RIF1: variants seen among roughly 807,000 people sequenced by gnomAD.
RIF1 encodes the protein telomere-associated protein RIF1.
RIF1 carries 45 observed loss-of-function variants against 247.1 expected under a neutral mutation model. The ratio of observed to expected loss-of-function variants is 0.18; its 90% CI spans 0.14 to 0.23. The LOEUF (loss-of-function observed/expected upper bound fraction) is 0.23, where lower values mean the gene tolerates loss of function less well. Ranked by LOEUF, RIF1 falls within the 10% of genes least tolerant of loss-of-function variation. RIF1 has a pLI of 1.00. For missense variants in RIF1, 2,967 were observed against 2,862.5 expected, an observed-to-expected ratio of 1.04 and a Z score of -0.83; for synonymous variants, 1,087 against 978.8, an observed-to-expected ratio of 1.11 and a Z score of -2.06.
At chr2:151,489,175 G>C (rs1042503645) in intron 9 of RIF1, among the ~76,000 whole-genome samples, 2 of 152,144 alleles carry the variant, frequency 1.3e-5, no homozygotes, top group Admixed American at 1.3e-4. Context: ...AGACCTTCTT[G>C]TATGTCATTT....
At chr2:151,454,589 T>C (rs1396283803) in intron 21 of RIF1, among the ~76,000 whole-genome samples, 3 of 152,172 alleles carry the variant, frequency 2.0e-5, no homozygotes, top group Non-Finnish European at 4.4e-5. Flanking sequence ...TTTTATGAAA[T>C]GTAAAATTAA....
chr2:151,414,548 T>G (rs1686863441), intron 3 of RIF1, among the ~76,000 whole-genome samples: 1 of 152,220 alleles, frequency 6.6e-6, no homozygotes, highest in Non-Finnish European at 1.5e-5. Context: ...TTAGCATCTT[T>G]CATCTGTTGA....
rs149649461 is a variant in RIF1, at chr2:151,463,154, C to G, written c.3634C>G (p.Pro1212Ala). ...VSNTTVAGTP[P>A]YPTSRRQTFI... ...TAATACCACTGTTGCTGGAACTCCC[C>G]CATACCCTACAAGTCGGAGGCAAAC... Residue 1212 changes from proline to alanine, a missense_variant, in exon 30 of 36, where the codon CCA becomes GCA. Pro to Ala is a conservative substitution (Grantham distance 27, BLOSUM62 -1). Transcript: ENST00000444746. 6.2e-7 allele frequency: 1 copy of G among 1,614,108 alleles called. No homozygotes were observed. The highest frequency in any genetic ancestry group is 1.1e-5 in the South Asian group (1 of 91,088).
At position 151,439,972 on chromosome 2, in the gene RIF1, C is replaced by CAAAAAAAAAAA. The variant is rs1165450117; in HGVS notation, c.1547-42_1547-32dup. The CAAAAAAAAAAA allele has an allele frequency of 4.4e-4, 122 of 276,640 alleles. 2 individuals carry two copies. Among genetic ancestry groups the CAAAAAAAAAAA allele is most frequent in the Non-Finnish European group, 5.4e-4 (88 of 162,486 alleles). 17.1% of individuals were successfully genotyped at this position (276,640 alleles called of 1,614,324 possible). On this transcript the variant is annotated intron_variant, in intron 14 of 35. Coordinates refer to ENST00000444746, the MANE Select transcript of RIF1 (RefSeq NM_018151.5). ...TGGGTGACAGAGCAAGACCCTGTCT[C>CAAAAAAAAAAA]AAAAAAAAAAAAAAAAAAAAAAAGA...
chr2:151,434,259 T>C (rs1690725946), intron 10 of RIF1, among the ~76,000 whole-genome samples: 1 of 152,050 alleles, frequency 6.6e-6, no homozygotes. Flanking sequence ...CTCCGTTTTC[T>C]AGGCTGCATA....
chr2:151,503,217 C>G (rs907784026), intron 12 of RIF1: 2 of 668,976 alleles, frequency 3.0e-6, no homozygotes, highest in African/African-American at 3.7e-5. Flanking sequence ...TAATTTTGGT[C>G]AGGTAATAAT....
chr2:151,410,737 T>C (rs1686020420), intron 2 of RIF1, among the ~76,000 whole-genome samples: 2 of 152,120 alleles, frequency 1.3e-5, no homozygotes, highest in Admixed American at 6.6e-5. Context: ...GGTGTGTGTT[T>C]GGAACGAGGG....
At chr2:151,527,518 AAGT>A in the RIF1 span, 2 of 1,613,354 alleles carry the variant, frequency 1.2e-6, no homozygotes, top group African/African-American at 2.7e-5. Flanking sequence ...AGCCTGGAGG[AAGT>A]CCGGTCGGTC....
At chr2:151,488,530 T>C (rs1341812521) in intron 9 of RIF1, among the ~76,000 whole-genome samples, 1 of 151,444 alleles carries the variant, frequency 6.6e-6, no homozygotes, top group African/African-American at 2.4e-5. Flanking sequence ...CCTGTAGTCC[T>C]AGCTATTCTG....
At chr2:151,460,511 A>G (rs1695963235) in intron 26 of RIF1, among the ~76,000 whole-genome samples, 1 of 98,002 alleles carries the variant, frequency 1.0e-5, no homozygotes, top group Non-Finnish European at 2.3e-5. Flanking sequence ...TAATGCCTAG[A>G]TAAGACACCT....
chr2:151,455,232 T>C (rs1308351115), intron 22 of RIF1, 73 bp downstream of exon 22: 2 of 1,148,806 alleles, frequency 1.7e-6, no homozygotes, highest in East Asian at 2.5e-5. Context: ...TTTTATTTTT[T>C]AATCAGCTGT....
downstream of RIF1, chr2:151,486,396 C>G (rs1488371441): frequency 6.3e-6 from 1 of 158,984 alleles, no homozygotes; most frequent in African/African-American, 2.4e-5. Flanking sequence ...TCATAAACCA[C>G]TGGTGGAAGT....
At chr2:151,432,964 A>T (rs1690451248) in intron 9 of RIF1, 113 bp from the exon 10 acceptor site, 3 of 821,620 alleles carry the variant, frequency 3.7e-6, no homozygotes, top group Non-Finnish European at 5.3e-6. Flanking sequence ...TATTTTTTTA[A>T]AAAAATTTTA....
the RIF1 span, chr2:151,514,177 A>G: frequency 1.5e-6 from 1 of 649,256 alleles, no homozygotes; most frequent in Non-Finnish European, 2.8e-6. Flanking sequence ...ATGGTTAACA[A>G]TTATGTTGAT....
Position 151,445,458 on chromosome 2 carries a change from C to G in RIF1, c.2094+13C>G, listed in dbSNP as rs776076646. On this transcript the variant is annotated intron_variant, in intron 19 of 35. Transcript: ENST00000444746. ...GAGATTTCCAGTGGTAAGGCATTGT[C>G]AAGTATTGATTTCCGAGGGATTTGT... is the stretch of plus-strand genomic sequence containing the variant. The G allele has an allele frequency of 4.8e-6, 6 of 1,237,314 alleles. No individual in the cohort carries two copies. Among genetic ancestry groups the G allele is most frequent in the Non-Finnish European group, 6.0e-6 (5 of 836,266 alleles). 76.6% of individuals were successfully genotyped at this position (1,237,314 alleles called of 1,614,324 possible). A position where few individuals can be genotyped will look rare whatever the true frequency, so the allele number is the denominator to read the frequency against.
At chr2:151,421,680 G>A (rs1184881909) in intron 7 of RIF1, among the ~76,000 whole-genome samples, 1 of 152,138 alleles carries the variant, frequency 6.6e-6, no homozygotes, top group Non-Finnish European at 1.5e-5. Flanking sequence ...AAAGTGTTGG[G>A]ATGACAGGCG....
intron 34 of RIF1, among the ~76,000 whole-genome samples, chr2:151,473,593 C>CT (rs571294518): frequency 1.8e-4 from 28 of 151,624 alleles, no homozygotes; most frequent in Admixed American, 9.9e-4. Context: ...AAATTGTGTT[C>CT]TTTTTTTTAA....
Position 151,463,692 on chromosome 2 carries a change from T to A in RIF1, c.4172T>A (p.Val1391Glu). Reference protein sequence around the residue: ...NLESKENTPPVVISADQMVNE... With the variant: ...NLESKENTPPEVISADQMVNE... ...GAATCCAAAGAGAATACACCCCCAG[T>A]AGTAATATCAGCAGATCAAATGGTA... Residue 1391 changes from valine (V) to glutamate (E), a missense_variant, in exon 30 of 36, where the codon GTA (valine) becomes GAA (glutamate). Around this residue, in one of 7 missense-constraint regions of RIF1, gnomAD observed 2,028 missense variants for 1,825.6 expected, o/e 1.11. Coordinates refer to ENST00000444746, the MANE Select transcript of RIF1 (RefSeq NM_018151.5). The A allele has an allele frequency of 6.2e-7, 1 of 1,613,858 alleles. No homozygotes were observed. The highest frequency in any genetic ancestry group is 8.5e-7 in the Non-Finnish European group (1 of 1,179,882).
intron 7 of RIF1, among the ~76,000 whole-genome samples, chr2:151,421,389 A>G (rs987219620): frequency 6.6e-6 from 1 of 152,172 alleles, no homozygotes; most frequent in African/African-American, 2.4e-5. Context: ...GAGAACTATG[A>G]GGGCAAAAGG....
Sources: gnomAD v4.1 joint callset for allele counts (sites outside exome capture counted in the v4.1 genomes callset) on GRCh38, gnomAD v4.1.1 for gene constraint, gnomAD v4.1.1 regional missense constraint, MANE v1.5 for transcripts, NCBI Gene and HGNC (gene_info 2026-07-23, HGNC 2026-07-21) for gene names.